The following BRINP3 variants were observed in gnomAD, a reference collection of about 807,000 sequenced individuals.
The protein encoded by BRINP3 is BMP/retinoic acid inducible neural specific 3, also known as BMP/retinoic acid-inducible neural-specific protein 3.
A neutral mutation model predicts 71.0 loss-of-function variants in BRINP3; 19 were observed. That is an observed-to-expected ratio of 0.27 (90% confidence interval 0.19 to 0.39). The LOEUF (loss-of-function observed/expected upper bound fraction) is 0.39. BRINP3 is among the 10% of genes least tolerant of loss of function. The pLI, the probability that BRINP3 is intolerant of heterozygous loss-of-function variation, is 1.00. For synonymous variants in BRINP3, 380 were observed against 337.7 expected, an observed-to-expected ratio of 1.13 and a Z score of -1.37; for missense variants, 959 against 940.8, an observed-to-expected ratio of 1.02 and a Z score of -0.25.
At chr1:190,215,812 A>G (rs539649146) in intron 6 of BRINP3, among the ~76,000 whole-genome samples, 1 of 152,050 alleles carries the variant, frequency 6.6e-6, no homozygotes, top group Admixed American at 6.6e-5. Context: ...TGATAAAGAC[A>G]TATGTTGACA....
At chr1:190,465,710 G>A (rs1194579326) in intron 1 of BRINP3, among the ~76,000 whole-genome samples, 2 of 151,848 alleles carry the variant, frequency 1.3e-5, no homozygotes, top group East Asian at 3.9e-4. Context: ...AGAGTTGAGT[G>A]AAACAGCTGT....
At chr1:190,344,740 T>C (rs1225063981) in intron 2 of BRINP3, among the ~76,000 whole-genome samples, 1 of 151,822 alleles carries the variant, frequency 6.6e-6, no homozygotes, top group Non-Finnish European at 1.5e-5. Flanking sequence ...AAGTTTAACA[T>C]AATAAATAAT....
intron 4 of BRINP3, among the ~76,000 whole-genome samples, chr1:190,257,747 G>T (rs1660796942): frequency 6.6e-6 from 1 of 152,144 alleles, no homozygotes; most frequent in South Asian, 2.1e-4. Flanking sequence ...TCAGCTGCAG[G>T]TCTGTTGGGG....
intron 2 of BRINP3, among the ~76,000 whole-genome samples, chr1:190,305,206 A>C (rs1665011290): frequency 1.3e-5 from 2 of 151,938 alleles, no homozygotes; most frequent in African/African-American, 4.8e-5. Context: ...TTCCTCAAAA[A>C]ATTAAAAATC....
chr1:190,271,199 G>A (rs190789598), intron 3 of BRINP3, among the ~76,000 whole-genome samples: 38 of 151,682 alleles, frequency 2.5e-4, no homozygotes, highest in Admixed American at 1.4e-3. Context: ...TCTTTCACTG[G>A]TTTATGAGGT....
intron 2 of BRINP3, among the ~76,000 whole-genome samples, chr1:190,371,419 A>G (rs72731123): frequency 1.2e-4 from 19 of 152,326 alleles, no homozygotes; most frequent in Non-Finnish European, 1.9e-4. Context: ...CAATATCATT[A>G]GTGAAGACAC....
At chr1:190,267,177 T>A (rs1661731687) in intron 3 of BRINP3, among the ~76,000 whole-genome samples, 1 of 152,146 alleles carries the variant, frequency 6.6e-6, no homozygotes, top group Non-Finnish European at 1.5e-5. Flanking sequence ...AAACCTTATG[T>A]TAAGAATAGT....
At chr1:190,368,681 T>TTA (rs1669664134) in intron 2 of BRINP3, among the ~76,000 whole-genome samples, 1 of 152,146 alleles carries the variant, frequency 6.6e-6, no homozygotes, top group Non-Finnish European at 1.5e-5. Context: ...CCTCTGTGAT[T>TTA]TATCAGGAGA....
chr1:190,353,688 C>G (rs2102063735), intron 2 of BRINP3, among the ~76,000 whole-genome samples: 1 of 152,024 alleles, frequency 6.6e-6, no homozygotes, highest in Middle Eastern at 3.4e-3. Context: ...GGATGACACA[C>G]CACCAATCAT....
chr1:190,449,413 T>C (rs907537694), intron 2 of BRINP3, among the ~76,000 whole-genome samples: 2 of 152,078 alleles, frequency 1.3e-5, no homozygotes, highest in African/African-American at 4.8e-5. Flanking sequence ...AGGTAATCTC[T>C]CCTACTGAAT....
chr1:190,418,977 T>G (rs1279143605), intron 2 of BRINP3, among the ~76,000 whole-genome samples: 1 of 152,130 alleles, frequency 6.6e-6, no homozygotes, highest in Admixed American at 6.5e-5. Flanking sequence ...TCATGCTTCC[T>G]AAAGTATTTG....
At chr1:190,262,720 T>A (rs1399585431) in intron 4 of BRINP3, among the ~76,000 whole-genome samples, 1 of 152,180 alleles carries the variant, frequency 6.6e-6, no homozygotes, top group African/African-American at 2.4e-5. Context: ...CTTTCTTCCC[T>A]CTCAGAACTG....
chr1:190,277,579 A>T (rs1445547605), intron 3 of BRINP3, among the ~76,000 whole-genome samples: 2 of 151,706 alleles, frequency 1.3e-5, no homozygotes, highest in Admixed American at 1.3e-4. Flanking sequence ...TTGTTGCATT[A>T]TAGTAAACTC....
At chr1:190,103,579 G>T (rs1651884048) in intron 7 of BRINP3, among the ~76,000 whole-genome samples, 1 of 151,924 alleles carries the variant, frequency 6.6e-6, no homozygotes. Context: ...AGGTTGCAAG[G>T]TCCATTATGT....
intron 4 of BRINP3, among the ~76,000 whole-genome samples, chr1:190,244,368 T>A (rs1659386815): frequency 6.6e-6 from 1 of 152,108 alleles, no homozygotes; most frequent in Non-Finnish European, 1.5e-5. Context: ...TCAAAACATT[T>A]CTACATCTAC....
chr1:190,198,644 C>T (rs967207263), intron 6 of BRINP3, among the ~76,000 whole-genome samples: 1 of 152,160 alleles, frequency 6.6e-6, no homozygotes, highest in African/African-American at 2.4e-5. Context: ...TGCTGCCAGT[C>T]TCTTTGCAAG....
At chr1:190,449,818 GAAACAAC>G (rs1675486402) in intron 2 of BRINP3, among the ~76,000 whole-genome samples, 1 of 152,030 alleles carries the variant, frequency 6.6e-6, no homozygotes, top group African/African-American at 2.4e-5. Flanking sequence ...AAGTCCAGGG[GAAACAAC>G]ATTAATTACA....
chr1:190,360,850 A>C (rs2102119992), intron 2 of BRINP3, among the ~76,000 whole-genome samples: 1 of 152,244 alleles, frequency 6.6e-6, no homozygotes, highest in African/African-American at 2.4e-5. Flanking sequence ...GAAAGATACA[A>C]GGAAGAAAAC....
chr1:190,396,712 T>TTA (rs1558249085), intron 2 of BRINP3, among the ~76,000 whole-genome samples: 2 of 38,314 alleles, frequency 5.2e-5, no homozygotes, highest in African/African-American at 1.9e-4. Context: ...CCTAATTTAA[T>TTA]GATATATATA....
Sources: gnomAD v4.1 joint callset for allele counts (sites outside exome capture counted in the v4.1 genomes callset) on GRCh38, gnomAD v4.1.1 for gene constraint, MANE v1.5 for transcripts, NCBI Gene and HGNC (gene_info 2026-07-23, HGNC 2026-07-21) for gene names.